RNF19A: variants seen among roughly 807,000 people sequenced by gnomAD.
RNF19A encodes the protein E3 ubiquitin-protein ligase RNF19A.
A neutral mutation model predicts 75.7 loss-of-function variants in RNF19A; 32 were observed. The ratio of observed to expected loss-of-function variants is 0.42; its 90% CI spans 0.32 to 0.57. The LOEUF (loss-of-function observed/expected upper bound fraction) is 0.57, where lower values mean the gene tolerates loss of function less well. RNF19A is among the 20% of genes least tolerant of loss of function. RNF19A has a pLI of 0.10. For synonymous variants in RNF19A, 335 were observed against 345.2 expected (o/e 0.97, Z 0.33); for missense variants, 782 against 1,036.3 (o/e 0.75, Z 3.37).
intron 1 of RNF19A, among the ~76,000 whole-genome samples, chr8:100,307,766 T>TA (rs1287804144): frequency 1.3e-5 from 2 of 152,176 alleles, no homozygotes; most frequent in Non-Finnish European, 2.9e-5. Flanking sequence ...CGACTTCACT[T>TA]ACATTCAAAT....
At chr8:100,266,519 C>T (rs1348905301) in intron 5 of RNF19A, among the ~76,000 whole-genome samples, 3 of 152,112 alleles carry the variant, frequency 2.0e-5, no homozygotes, top group Non-Finnish European at 4.4e-5. Flanking sequence ...TATTTTTTCT[C>T]TCTTTTTTGG....
chr8:100,288,660 A>G (rs1821145370), intron 1 of RNF19A, among the ~76,000 whole-genome samples: 1 of 152,166 alleles, frequency 6.6e-6, no homozygotes, highest in African/African-American at 2.4e-5. Context: ...AAAGGGCTCT[A>G]ACACCGCCAG....
Position 100,269,825 on chromosome 8 carries a change from A to G in RNF19A, c.1028+44T>C, listed in dbSNP as rs1270793486. 2 of 1,443,480 alleles carry G rather than the reference A, an allele frequency of 1.4e-6. No homozygotes were observed. Among genetic ancestry groups the G allele is most frequent in the Non-Finnish European group, 1.8e-6 (2 of 1,081,712 alleles). The allele number at this position is 1,443,480 out of a possible 1,614,324, so 89.4% of individuals were successfully genotyped here. A position where few individuals can be genotyped will look rare whatever the true frequency, so the allele number is the denominator to read the frequency against. ...AAGACAAGTTATTTTGTCTTACAAT[A>G]TAAAATTACATTTACATATAAATAG... On this transcript the variant is annotated intron_variant, in intron 4 of 9. Transcript: ENST00000341084. The surrounding 1 kb of genome is among the most constrained non-coding windows in gnomAD (Gnocchi z 5.7).
chr8:100,283,901 A>G (rs994516194), intron 2 of RNF19A, among the ~76,000 whole-genome samples: 1 of 152,160 alleles, frequency 6.6e-6, no homozygotes, highest in African/African-American at 2.4e-5. Context: ...AAATTTACCA[A>G]TATTTCTTAT....
At position 100,287,164 on chromosome 8, in the gene RNF19A, A is replaced by G. The variant is rs186791929; in HGVS notation, c.674+337T>C. ...TGACCACAAATAACCCCCTCATCAT[A>G]AACAAACCTGATCATTTCATCTGTT... is the stretch of plus-strand genomic sequence containing the variant. On this transcript the variant is annotated intron_variant, in intron 2 of 9. Transcript: ENST00000341084. This position sits in a 1 kb window ranked among gnomAD's most constrained non-coding sequence, Gnocchi z 4.1. Among the ~76,000 whole-genome samples the G allele has an allele frequency of 5.3e-5, 8 of 152,314 alleles. No individual in the cohort carries two copies.
chr8:100,335,704 G>A (rs1822670637), intron 1 of RNF19A, among the ~76,000 whole-genome samples: 1 of 152,130 alleles, frequency 6.6e-6, no homozygotes, highest in South Asian at 2.1e-4. Flanking sequence ...ATTCTCTGGG[G>A]CTTTTTATGG....
intron 1 of RNF19A, among the ~76,000 whole-genome samples, chr8:100,306,078 T>A (rs533953774): frequency 4.6e-5 from 7 of 152,302 alleles, no homozygotes; most frequent in African/African-American, 1.4e-4. Flanking sequence ...CAAAGTCTCT[T>A]CAATTGGCAA....
intron 1 of RNF19A, among the ~76,000 whole-genome samples, chr8:100,299,694 G>C (rs1821733048): frequency 6.6e-6 from 1 of 152,156 alleles, no homozygotes; most frequent in African/African-American, 2.4e-5. Context: ...AGGAGGTGGA[G>C]GTTGAGTAAG....
chr8:100,321,068 G>A (rs1164024135), intron 1 of RNF19A, among the ~76,000 whole-genome samples: 1 of 152,224 alleles, frequency 6.6e-6, no homozygotes, highest in Non-Finnish European at 1.5e-5. Flanking sequence ...AATGATCAGG[G>A]TGGTGGTTGC....
rs576652165 is a variant in RNF19A at position 100,259,758 on chromosome 8, G to A, written c.1826+96C>T. On this transcript the variant is annotated intron_variant, in intron 9 of 9. Coordinates refer to ENST00000341084, the MANE Select transcript of RNF19A (RefSeq NM_183419.4). This position sits in a 1 kb window ranked among gnomAD's most constrained non-coding sequence, Gnocchi z 4.5. ...TTTCCTTTTCTCAGAGAACTTAATAGTTGGTAGCCACTTTTCACTGGTAAT... is the reference window on the plus strand; with the variant it reads ...TTTCCTTTTCTCAGAGAACTTAATAATTGGTAGCCACTTTTCACTGGTAAT... The A allele has an allele frequency of 1.8e-6, 2 of 1,094,710 alleles. No individual in the cohort carries two copies. Among genetic ancestry groups the A allele is most frequent in the East Asian group, 2.6e-5 (1 of 38,752 alleles). 67.8% of individuals were successfully genotyped at this position (1,094,710 alleles called of 1,614,324 possible).
upstream of RNF19A, among the ~76,000 whole-genome samples, chr8:100,311,734 AAAAAAG>A (rs1822299735): frequency 6.7e-6 from 1 of 149,266 alleles, no homozygotes; most frequent in Non-Finnish European, 1.5e-5. Flanking sequence ...AAAAAAAAAA[AAAAAAG>A]AAAAGAAAAT....
At position 100,275,869 on chromosome 8, in the gene RNF19A, T is replaced by G. The variant is rs1006022956; in HGVS notation, c.675-708A>C. On this transcript the variant is annotated intron_variant, in intron 2 of 9. Coordinates refer to ENST00000341084, the MANE Select transcript of RNF19A (RefSeq NM_183419.4). The surrounding 1 kb of genome is among the most constrained non-coding windows in gnomAD (Gnocchi z 4.3). Reference sequence around the variant, plus strand: ...GGCATACTGTGCCAATTTATAAATTTTGTGATAATTTTGTATGTATGCAGA... The same window carrying G: ...GGCATACTGTGCCAATTTATAAATTGTGTGATAATTTTGTATGTATGCAGA... Among the ~76,000 whole-genome samples the G allele has an allele frequency of 6.6e-6, 1 of 152,198 alleles. No individual in the cohort carries two copies. The highest frequency in any genetic ancestry group is 1.5e-5 in the Non-Finnish European group (1 of 68,030).
chr8:100,258,676 A>G lies in RNF19A; in HGVS notation c.2397T>C (p.His799=). Residue 799 remains histidine (H), a synonymous_variant, in exon 10 of 10, where the codon CAT becomes CAC. Coordinates refer to ENST00000341084, the MANE Select transcript of RNF19A (RefSeq NM_183419.4). The surrounding 1 kb of genome is among the most constrained non-coding windows in gnomAD (Gnocchi z 4.3). Reference sequence around the variant, plus strand: ...CATTAGGTTTTATTCCATTGTTACCATGTTCTTCAGCAATATGATTCAACT... The same window carrying G: ...CATTAGGTTTTATTCCATTGTTACCGTGTTCTTCAGCAATATGATTCAACT... The part of the protein sequence containing the change: ...VSQLNHIAEE[H]GNNGIKPNVD... The G allele has an allele frequency of 6.2e-7, 1 of 1,614,172 alleles. No individual in the cohort carries two copies. Among genetic ancestry groups the G allele is most frequent in the Non-Finnish European group, 8.5e-7 (1 of 1,180,010 alleles).
At chr8:100,283,071 T>C (rs1043856379) in intron 2 of RNF19A, among the ~76,000 whole-genome samples, 2 of 152,214 alleles carry the variant, frequency 1.3e-5, no homozygotes, top group African/African-American at 4.8e-5. Context: ...AAAGGAACTT[T>C]TCTGGAGGAT....
chr8:100,280,801 T>G, intron 2 of RNF19A, among the ~76,000 whole-genome samples: 1 of 152,218 alleles, frequency 6.6e-6, no homozygotes, highest in East Asian at 1.9e-4. Flanking sequence ...CATTCACACA[T>G]TTTGAAAACA....
intron 2 of RNF19A, among the ~76,000 whole-genome samples, chr8:100,283,961 T>C (rs1264189970): frequency 6.6e-6 from 1 of 152,188 alleles, no homozygotes; most frequent in Non-Finnish European, 1.5e-5. Flanking sequence ...AGGGCGGTCC[T>C]CTGTGTGTTT....
intron 1 of RNF19A, among the ~76,000 whole-genome samples, chr8:100,306,397 C>A (rs1822062688): frequency 6.6e-6 from 1 of 151,980 alleles, no homozygotes; most frequent in South Asian, 2.1e-4. Flanking sequence ...AACAGTAATT[C>A]TTTAGTAAAT....
At chr8:100,298,210 A>AAAAAAAC (rs1232676159) in intron 1 of RNF19A, among the ~76,000 whole-genome samples, 1 of 151,934 alleles carries the variant, frequency 6.6e-6, no homozygotes, top group African/African-American at 2.4e-5. Context: ...AAAAAAAAAA[A>AAAAAAAC]AACACTTATT....
Position 100,259,991 on chromosome 8 carries a change from T to C in RNF19A, c.1689A>G (p.Glu563=). The part of the protein sequence containing the change: ...SAMVNCFNRL[E]VQADVQKERY... ...GTTCTTTCTGTACATCTGCTTGTAC[T>C]TCCAACCTTAAAGGGGGGTATGAAA... The change falls in exon 9 of 10, where the codon GAA becomes GAG. Residue 563 remains glutamate, a synonymous_variant. Coordinates refer to ENST00000341084, the MANE Select transcript of RNF19A (RefSeq NM_183419.4). The surrounding 1 kb of genome is among the most constrained non-coding windows in gnomAD (Gnocchi z 4.5). 6.2e-7 allele frequency: 1 copy of C among 1,613,534 alleles called. No individual in the cohort carries two copies.
Sources: allele counts gnomAD v4.1 joint callset (sites outside exome capture counted in the v4.1 genomes callset), GRCh38; gene constraint gnomAD v4.1.1; non-coding constraint Gnocchi (gnomAD v3.1); transcripts MANE v1.5; gene names NCBI Gene and HGNC (gene_info 2026-07-23, HGNC 2026-07-21).